Variants in CUX2 observed in about 807,000 individuals in gnomAD.
CUX2 encodes homeobox protein cut-like 2.
A neutral mutation model predicts 144.8 loss-of-function variants in CUX2; 40 were observed. That is an observed-to-expected ratio of 0.28 (90% CI 0.21 to 0.36). The LOEUF (loss-of-function observed/expected upper bound fraction) is 0.36, where lower values mean the gene tolerates loss of function less well. CUX2 is among the 10% of genes least tolerant of loss of function. The probability of loss-of-function intolerance (pLI) is 1.00; values close to 1 mark genes in which losing one functional copy is unlikely to be tolerated. For missense variants in CUX2, 1,615 were observed against 1,994.0 expected (o/e 0.81, Z 3.62); for synonymous variants, 827 against 875.6 (o/e 0.94, Z 0.98).
At chr12:111,152,101 A>G (rs1342148916) in intron 1 of CUX2, among the ~76,000 whole-genome samples, 6 of 152,236 alleles carry the variant, frequency 3.9e-5, no homozygotes, top group East Asian at 1.9e-4. Context: ...CCTAGCCAAC[A>G]TGGGGAAACC....
chr12:111,041,425 C>T (rs1869736774), intron 1 of CUX2, among the ~76,000 whole-genome samples: 1 of 152,078 alleles, frequency 6.6e-6, no homozygotes, highest in South Asian at 2.1e-4. Flanking sequence ...CTCTCTTACT[C>T]CTTTGGGGTT....
At chr12:111,162,384 G>A (rs982383933) in intron 1 of CUX2, among the ~76,000 whole-genome samples, 4 of 152,260 alleles carry the variant, frequency 2.6e-5, no homozygotes, top group Non-Finnish European at 5.9e-5. Context: ...TGCAAGAGAA[G>A]CAGGCTTATC....
At chr12:111,182,592 C>T (rs1879257300) in intron 1 of CUX2, among the ~76,000 whole-genome samples, 1 of 152,226 alleles carries the variant, frequency 6.6e-6, no homozygotes, top group Admixed American at 6.5e-5. Flanking sequence ...ATGCTGAGGC[C>T]TCCCAGTTCC....
At chr12:111,036,672 G>C (rs1198050746) in intron 1 of CUX2, among the ~76,000 whole-genome samples, 1 of 150,306 alleles carries the variant, frequency 6.7e-6, no homozygotes, top group Admixed American at 6.6e-5. Context: ...AGTGTGTCTG[G>C]CACACAGGAG....
chr12:111,060,084 A>G (rs927150458), intron 1 of CUX2, among the ~76,000 whole-genome samples: 4 of 152,112 alleles, frequency 2.6e-5, no homozygotes, highest in Non-Finnish European at 5.9e-5. Context: ...AGAGATCTTT[A>G]TTGAAACCGA....
intron 1 of CUX2, among the ~76,000 whole-genome samples, chr12:111,188,210 G>A (rs992684523): frequency 2.0e-5 from 3 of 152,196 alleles, no homozygotes; most frequent in Non-Finnish European, 4.4e-5. Context: ...ATTTTTCTAC[G>A]TCAATAGACA....
intron 18 of CUX2, among the ~76,000 whole-genome samples, chr12:111,330,704 T>C (rs1217988164): frequency 0.033 from 601 of 18,164 alleles, 35 homozygotes; most frequent in African/African-American, 0.12. Flanking sequence ...TATATATATA[T>C]ATATATATAT....
intron 1 of CUX2, among the ~76,000 whole-genome samples, chr12:111,079,735 A>G (rs1294560031): frequency 6.6e-6 from 1 of 152,218 alleles, no homozygotes; most frequent in East Asian, 1.9e-4. Context: ...TGTCCAGGGC[A>G]GAACAGCCTG....
At chr12:111,204,712 G>C (rs1880810390) in intron 1 of CUX2, among the ~76,000 whole-genome samples, 1 of 152,162 alleles carries the variant, frequency 6.6e-6, no homozygotes, top group South Asian at 2.1e-4. Flanking sequence ...GATGTTTCTA[G>C]AGAATCCACT....
chr12:111,182,961 T>C (rs113812699), intron 1 of CUX2, among the ~76,000 whole-genome samples: 1,625 of 152,286 alleles, frequency 0.011, 40 homozygotes, highest in African/African-American at 0.038. Flanking sequence ...CCGGATCCTG[T>C]ACCAAGCATT....
intron 3 of CUX2, among the ~76,000 whole-genome samples, chr12:111,238,187 G>A (rs1286392244): frequency 3.9e-5 from 6 of 152,204 alleles, no homozygotes; most frequent in Non-Finnish European, 5.9e-5. Flanking sequence ...CTTTTACAAC[G>A]CTTAGCACAG....
Position 111,171,350 on chromosome 12 carries a change from C to T in CUX2, c.64-42850C>T, listed in dbSNP as rs1592799704. Among the ~76,000 whole-genome samples, 1 of 152,168 alleles carries T rather than the reference C, an allele frequency of 6.6e-6. No homozygotes were observed. The highest frequency in any genetic ancestry group is 2.1e-4 in the South Asian group (1 of 4,820). ...AGTGCATTGTGCAGCCTGCTGAGAG[C>T]ACCAAAAACCTCCCCTTAATACCCA... On this transcript the variant is annotated intron_variant, in intron 1 of 21. Coordinates refer to ENST00000261726, the MANE Select transcript of CUX2 (RefSeq NM_015267.4). The surrounding 1 kb of genome is among the most constrained non-coding windows in gnomAD (Gnocchi z 5.0).
At chr12:111,191,286 A>G (rs1879858569) in intron 1 of CUX2, among the ~76,000 whole-genome samples, 1 of 151,334 alleles carries the variant, frequency 6.6e-6, no homozygotes, top group African/African-American at 2.4e-5. Flanking sequence ...GTCTACCACT[A>G]TTATTGTTCT....
chr12:111,088,450 T>TA (rs1000845078), intron 1 of CUX2, among the ~76,000 whole-genome samples: 4 of 148,034 alleles, frequency 2.7e-5, no homozygotes, highest in South Asian at 4.3e-4. Context: ...AAAGTTCAAT[T>TA]AAAAAAAAAA....
chr12:111,154,964 G>A (rs565961898), intron 1 of CUX2, among the ~76,000 whole-genome samples: 2 of 152,336 alleles, frequency 1.3e-5, no homozygotes, highest in African/African-American at 2.4e-5. Context: ...CACTGCTGCT[G>A]TGGTAGGTGC....
intron 1 of CUX2, among the ~76,000 whole-genome samples, chr12:111,156,118 C>T (rs1202393576): frequency 2.0e-5 from 3 of 152,106 alleles, no homozygotes; most frequent in South Asian, 2.1e-4. Context: ...CTTTAATAGT[C>T]GTTCCAAATG....
chr12:111,157,702 G>C (rs1456697861), intron 1 of CUX2, among the ~76,000 whole-genome samples: 3 of 152,212 alleles, frequency 2.0e-5, no homozygotes, highest in Non-Finnish European at 2.9e-5. Flanking sequence ...CCATGGACAC[G>C]GGAGGTGGCA....
intron 1 of CUX2, among the ~76,000 whole-genome samples, chr12:111,109,937 A>T (rs2136080590): frequency 6.6e-6 from 1 of 152,258 alleles, no homozygotes; most frequent in East Asian, 1.9e-4. Flanking sequence ...GTTCAGTGGT[A>T]CAATCATAGC....
rs3809297 is a variant in CUX2 at position 111,171,923 on chromosome 12, G to T, written c.64-42277G>T. Reference sequence around the variant, plus strand: ...CAGCATATGCACTCTCTGTGTGTGCGTGTGCCTGTGCCTGTGTACACGTGC... The same window carrying T: ...CAGCATATGCACTCTCTGTGTGTGCTTGTGCCTGTGCCTGTGTACACGTGC... On this transcript the variant is annotated intron_variant, in intron 1 of 21. Transcript: ENST00000261726. The surrounding 1 kb of genome is among the most constrained non-coding windows in gnomAD (Gnocchi z 5.0). Among the ~76,000 whole-genome samples the T allele has an allele frequency of 7.1e-3, 1,079 of 152,220 alleles. 114 individuals carry two copies. In the East Asian group the frequency reaches 0.2, roughly 29 times the overall value.
Sources: allele counts gnomAD v4.1 joint callset (sites outside exome capture counted in the v4.1 genomes callset), GRCh38; gene constraint gnomAD v4.1.1; non-coding constraint Gnocchi (gnomAD v3.1); transcripts MANE v1.5; gene names NCBI Gene and HGNC (gene_info 2026-07-23, HGNC 2026-07-21).